Variants in OSTN observed in about 807,000 individuals in gnomAD.
OSTN encodes osteocrin.
Under a neutral mutation model 12.0 loss-of-function variants are expected in OSTN, and 9 were observed. That is an observed-to-expected ratio of 0.75 (90% CI 0.45 to 1.30). The LOEUF is 1.30. Ranked by LOEUF, OSTN falls within the 50% of genes most tolerant of loss-of-function variation. The pLI, the probability that OSTN is intolerant of heterozygous loss-of-function variation, is 0.00. For synonymous variants in OSTN, 59 were observed against 56.9 expected (o/e 1.04, Z -0.16); for missense variants, 148 against 152.3 (o/e 0.97, Z 0.15).
At chr3:191,220,674 A>G (rs1714739807) in intron 3 of OSTN, among the ~76,000 whole-genome samples, 1 of 152,148 alleles carries the variant, frequency 6.6e-6, no homozygotes, top group Non-Finnish European at 1.5e-5. Context: ...AAACTAATCT[A>G]AAAAGAAGAA....
At chr3:191,230,990 A>G (rs951327637) in intron 3 of OSTN, among the ~76,000 whole-genome samples, 4 of 152,230 alleles carry the variant, frequency 2.6e-5, no homozygotes, top group Non-Finnish European at 4.4e-5. Context: ...GAAGTTGAGA[A>G]TCCCTCCGAA....
At chr3:191,245,762 G>A (rs185972955) in intron 3 of OSTN, among the ~76,000 whole-genome samples, 1 of 152,070 alleles carries the variant, frequency 6.6e-6, no homozygotes, top group African/African-American at 2.4e-5. Context: ...TTAATCATAC[G>A]TATCTCGAAA....
At chr3:191,236,657 C>A (rs1715199257) in intron 3 of OSTN, among the ~76,000 whole-genome samples, 1 of 151,828 alleles carries the variant, frequency 6.6e-6, no homozygotes, top group Non-Finnish European at 1.5e-5. Context: ...ATATTATTAT[C>A]TTTAAAGTGA....
chr3:191,212,853 C>T (rs1714497365), intron 2 of OSTN, among the ~76,000 whole-genome samples: 3 of 131,670 alleles, frequency 2.3e-5, no homozygotes, highest in Admixed American at 8.2e-5. Flanking sequence ...TAAACGTTTC[C>T]TTTTCTTTTC....
At chr3:191,226,979 G>A (rs931684113) in intron 3 of OSTN, among the ~76,000 whole-genome samples, 20 of 151,826 alleles carry the variant, frequency 1.3e-4, no homozygotes, top group South Asian at 2.1e-4. Flanking sequence ...AAATTCAGAC[G>A]TAAAATTTGA....
intron 3 of OSTN, among the ~76,000 whole-genome samples, chr3:191,222,727 C>T (rs985014742): frequency 2.6e-5 from 4 of 152,042 alleles, no homozygotes; most frequent in African/African-American, 9.7e-5. Flanking sequence ...TCTGTGTCCC[C>T]ATCCAAATGT....
In OSTN at chr3:191,241,167, CT is replaced by C. The variant is rs575332839; in HGVS notation, c.318-8841del. On this transcript the variant is annotated intron_variant, in intron 3 of 4. Coordinates refer to ENST00000682035, the MANE Select transcript of OSTN (RefSeq NM_198184.2). ...AAGTTGGTGGAGCTCTGTGCCTTGACTTTTTTTTTTTTTTTTTTTTTTTTTT... is the reference window on the plus strand; with the variant it reads ...AAGTTGGTGGAGCTCTGTGCCTTGACTTTTTTTTTTTTTTTTTTTTTTTTT... Among the ~76,000 whole-genome samples the C allele has an allele frequency of 1.8e-3, 85 of 46,440 alleles. No individual in the cohort carries two copies. In the East Asian group the frequency reaches 0.03, roughly 16 times the overall value. 30.5% of individuals were successfully genotyped at this position (46,440 alleles called of 152,430 possible).
intron 3 of OSTN, among the ~76,000 whole-genome samples, chr3:191,244,642 T>C (rs1478472776): frequency 6.7e-6 from 1 of 148,352 alleles, no homozygotes. Flanking sequence ...ATATTTCATA[T>C]CAACAAAAAT....
At chr3:191,210,260 C>G (rs1179113920) in intron 1 of OSTN, among the ~76,000 whole-genome samples, 1 of 152,224 alleles carries the variant, frequency 6.6e-6, no homozygotes, top group African/African-American at 2.4e-5. Flanking sequence ...ATCCAGTGGT[C>G]TCCCTCCAGG....
chr3:191,202,021 A>G (rs1714162355), intron 1 of OSTN, among the ~76,000 whole-genome samples: 2 of 152,188 alleles, frequency 1.3e-5, no homozygotes, highest in African/African-American at 2.4e-5. Context: ...ATGCCTAATC[A>G]GGATTCAGAT....
At chr3:191,234,726 A>G (rs1328942897) in intron 3 of OSTN, 2 of 151,636 alleles carry the variant, frequency 1.3e-5, no homozygotes, top group Non-Finnish European at 2.9e-5. Flanking sequence ...CAAAGCACAA[A>G]AAGAAAAGAA....
At position 191,233,448 on chromosome 3, in the gene OSTN, G is replaced by A. The variant is rs192350009; in HGVS notation, c.317+14487G>A. Among the ~76,000 whole-genome samples the A allele has an allele frequency of 9.3e-3, 1,409 of 151,362 alleles. 5 individuals are homozygous for A. The highest frequency in any genetic ancestry group is 0.015 in the Non-Finnish European group (996 of 67,814). On this transcript the variant is annotated intron_variant, in intron 3 of 4. Coordinates refer to ENST00000682035, the MANE Select transcript of OSTN (RefSeq NM_198184.2). ...ATTTTATTTCTGTTTTCTTTTTTTC[G>A]TTTTTTGAGACAGAGTCTTGCTCTG...
At chr3:191,199,424 A>T (rs1040112899) in intron 1 of OSTN, 117 bp downstream of exon 1, 1 of 152,124 alleles carries the variant, frequency 6.6e-6, no homozygotes, top group Non-Finnish European at 1.5e-5. Flanking sequence ...TTAGAGTGGT[A>T]ATATTTCCCT....
chr3:191,212,893 C>CA (rs1397481205), intron 2 of OSTN, among the ~76,000 whole-genome samples: 9 of 93,338 alleles, frequency 9.6e-5, no homozygotes, highest in African/African-American at 3.2e-4. Flanking sequence ...TTTTTTGAGA[C>CA]AGAGTCTCAC....
intron 3 of OSTN, among the ~76,000 whole-genome samples, chr3:191,236,200 CTCTT>C (rs1343386621): frequency 2.2e-4 from 33 of 152,230 alleles, no homozygotes; most frequent in Non-Finnish European, 3.2e-4. Context: ...CATACTTTCT[CTCTT>C]TCTGTCTCTT....
intron 3 of OSTN, among the ~76,000 whole-genome samples, chr3:191,227,028 A>G: frequency 6.6e-6 from 1 of 152,138 alleles, no homozygotes; most frequent in East Asian, 1.9e-4. Context: ...CATATTTTAA[A>G]GTTATCATGA....
At chr3:191,251,828 A>T (rs1715568286) in intron 4 of OSTN, among the ~76,000 whole-genome samples, 1 of 152,212 alleles carries the variant, frequency 6.6e-6, no homozygotes, top group South Asian at 2.1e-4. Flanking sequence ...AAATTGCCAC[A>T]TTATATTTGA....
intron 3 of OSTN, among the ~76,000 whole-genome samples, chr3:191,241,053 C>A (rs1715305449): frequency 6.6e-6 from 1 of 151,942 alleles, no homozygotes; most frequent in Non-Finnish European, 1.5e-5. Context: ...TAATTAACTT[C>A]CCTGTTTTAC....
intron 3 of OSTN, among the ~76,000 whole-genome samples, chr3:191,248,993 G>T (rs977819213): frequency 6.6e-6 from 1 of 152,128 alleles, no homozygotes; most frequent in East Asian, 1.9e-4. Context: ...TTGTCTGCTG[G>T]CAATGTTCTG....
Sources: allele counts gnomAD v4.1 joint callset (sites outside exome capture counted in the v4.1 genomes callset), GRCh38; gene constraint gnomAD v4.1.1; transcripts MANE v1.5; gene names NCBI Gene and HGNC (gene_info 2026-07-23, HGNC 2026-07-21).